The following PTGFR variants were observed in gnomAD, a reference collection of about 807,000 sequenced individuals.
The protein encoded by PTGFR is prostaglandin F2-alpha receptor.
Under a neutral mutation model 26.2 loss-of-function variants are expected in PTGFR, and 15 were observed. The ratio of observed to expected loss-of-function variants is 0.57; its 90% CI spans 0.38 to 0.88. PTGFR has a LOEUF of 0.88. Ranked by LOEUF, PTGFR falls within the 40% of genes least tolerant of loss-of-function variation. PTGFR has a pLI of 0.00. For missense variants in PTGFR, 369 were observed against 427.2 expected (o/e 0.86, Z 1.20); for synonymous variants, 165 against 151.1 (o/e 1.09, Z -0.68).
chr1:78,517,775 T>C (rs933481128), intron 2 of PTGFR, among the ~76,000 whole-genome samples: 3 of 152,130 alleles, frequency 2.0e-5, no homozygotes, highest in Non-Finnish European at 2.9e-5. Flanking sequence ...GAAGGGTTTT[T>C]AACAAGGGAA....
At chr1:78,517,596 A>G (rs1249031763) in intron 2 of PTGFR, among the ~76,000 whole-genome samples, 3 of 152,152 alleles carry the variant, frequency 2.0e-5, no homozygotes, top group African/African-American at 4.8e-5. Flanking sequence ...ACCCAATAGC[A>G]GGGATGAGCT....
intron 2 of PTGFR, among the ~76,000 whole-genome samples, chr1:78,503,192 A>G (rs571669300): frequency 6.6e-6 from 1 of 152,082 alleles, no homozygotes; most frequent in South Asian, 2.1e-4. Context: ...AGTTAATATT[A>G]AATTAAAATT....
chr1:78,496,201 A>G (rs1649548603), intron 2 of PTGFR, among the ~76,000 whole-genome samples: 1 of 152,220 alleles, frequency 6.6e-6, no homozygotes, highest in South Asian at 2.1e-4. Flanking sequence ...AACCTTATAA[A>G]AATACAGGCT....
Position 78,536,752 on chromosome 1 carries a change from G to T in PTGFR, c.*65G>T, listed in dbSNP as rs956101327. 4.7e-6 allele frequency: 7 copies of T among 1,504,386 alleles called. No homozygotes were observed. Among genetic ancestry groups the T allele is most frequent in the Non-Finnish European group, 6.2e-6 (7 of 1,121,928 alleles). The allele number at this position is 1,504,386 out of a possible 1,614,324, so 93.2% of individuals were successfully genotyped here. ...TTAAGACATGTTTGGCAATATTTCAGTTAGTTAAATACCTGTAGCCTAACT... is the reference window on the plus strand; with the variant it reads ...TTAAGACATGTTTGGCAATATTTCATTTAGTTAAATACCTGTAGCCTAACT... On this transcript the variant is annotated 3_prime_UTR_variant, in exon 3 of 3. Transcript: ENST00000370757.
chr1:78,509,626 T>G (rs1019056679), intron 2 of PTGFR, among the ~76,000 whole-genome samples: 5 of 152,230 alleles, frequency 3.3e-5, no homozygotes, highest in African/African-American at 4.8e-5. Context: ...TAATGGTGGC[T>G]TTTTTGTTAC....
At position 78,539,825 on chromosome 1, in the gene PTGFR, A is replaced by C. The variant is rs1199857819; in HGVS notation, c.*3138A>C. On this transcript the variant is annotated 3_prime_UTR_variant, in exon 3 of 3. Transcript: ENST00000370757. ...AACCTAAACTCCCGTTTTATCTGCT[A>C]CTGGATGAGAAGAATTTCAACTTAA... 6.6e-6 allele frequency: 1 copy of C among 152,332 alleles called. No individual in the cohort carries two copies. The highest frequency in any genetic ancestry group is 1.9e-4 in the East Asian group (1 of 5,186). The allele number at this position is 152,332 out of a possible 1,614,324, so 9.4% of individuals were successfully genotyped here. A position where few individuals can be genotyped will look rare whatever the true frequency, so the allele number is the denominator to read the frequency against.
intron 2 of PTGFR, among the ~76,000 whole-genome samples, chr1:78,531,115 G>A (rs975739158): frequency 2.0e-5 from 3 of 152,130 alleles, no homozygotes; most frequent in African/African-American, 7.2e-5. Flanking sequence ...GTGGCTGGAG[G>A]TTTGAGATAC....
At chr1:78,505,205 C>A (rs944989401) in intron 2 of PTGFR, among the ~76,000 whole-genome samples, 5 of 150,876 alleles carry the variant, frequency 3.3e-5, no homozygotes, top group African/African-American at 1.2e-4. Flanking sequence ...TCACTGCAAC[C>A]TCCACTTCCC....
At chr1:78,493,946 T>C (rs1478721367) in intron 2 of PTGFR, among the ~76,000 whole-genome samples, 1 of 152,260 alleles carries the variant, frequency 6.6e-6, no homozygotes, top group Non-Finnish European at 1.5e-5. Flanking sequence ...TATTAGCTAC[T>C]GGGTTCTCCA....
In PTGFR at chr1:78,538,904, G is replaced by A. The variant is rs1019426555; in HGVS notation, c.*2217G>A. ...TTGAACTGGGTAAGGCATTATCCAAGCAACTTCACATACTATTTAAACATG... is the reference window on the plus strand; with the variant it reads ...TTGAACTGGGTAAGGCATTATCCAAACAACTTCACATACTATTTAAACATG... On this transcript the variant is annotated 3_prime_UTR_variant, in exon 3 of 3. Transcript: ENST00000370757. The A allele has an allele frequency of 1.3e-5, 2 of 151,838 alleles. No individual in the cohort carries two copies. The highest frequency in any genetic ancestry group is 2.4e-5 in the African/African-American group (1 of 41,346). 9.4% of individuals were successfully genotyped at this position (151,838 alleles called of 1,614,324 possible). A position where few individuals can be genotyped will look rare whatever the true frequency, so the allele number is the denominator to read the frequency against.
chr1:78,515,046 A>ATT (rs540597508), intron 2 of PTGFR, among the ~76,000 whole-genome samples: 2 of 149,626 alleles, frequency 1.3e-5, no homozygotes, highest in African/African-American at 4.9e-5. Flanking sequence ...AGTTTCAGGT[A>ATT]TTTTTTTTTT....
chr1:78,495,178 C>A (rs1649516259), intron 2 of PTGFR, among the ~76,000 whole-genome samples: 3 of 152,194 alleles, frequency 2.0e-5, no homozygotes, highest in Admixed American at 2.0e-4. Flanking sequence ...CTATCAATGG[C>A]AAGTCAACCT....
chr1:78,498,616 G>T (rs1294611165), intron 2 of PTGFR, among the ~76,000 whole-genome samples: 1 of 152,106 alleles, frequency 6.6e-6, no homozygotes, highest in African/African-American at 2.4e-5. Flanking sequence ...TTCACTGCTT[G>T]GGTGATATTA....
At chr1:78,507,751 A>C (rs1649861698) in intron 2 of PTGFR, among the ~76,000 whole-genome samples, 1 of 152,092 alleles carries the variant, frequency 6.6e-6, no homozygotes, top group African/African-American at 2.4e-5. Context: ...CTCCATTCTA[A>C]TGTTTGGTAT....
intron 2 of PTGFR, among the ~76,000 whole-genome samples, chr1:78,525,003 C>T (rs1206876827): frequency 6.9e-6 from 1 of 144,242 alleles, no homozygotes; most frequent in Non-Finnish European, 1.5e-5. Flanking sequence ...CATAAATCCT[C>T]CAACTGCTTC....
chr1:78,513,337 A>G (rs1013659963), intron 2 of PTGFR, among the ~76,000 whole-genome samples: 5 of 152,178 alleles, frequency 3.3e-5, no homozygotes, highest in African/African-American at 1.2e-4. Flanking sequence ...GGAAATGAGG[A>G]AGTTAATGGG....
intron 2 of PTGFR, among the ~76,000 whole-genome samples, chr1:78,523,883 T>G (rs1279522141): frequency 6.6e-5 from 10 of 152,094 alleles, no homozygotes; most frequent in Non-Finnish European, 1.5e-5. Flanking sequence ...AGTTTAAATG[T>G]TGAATGATAC....
chr1:78,508,802 T>C (rs1006021858), intron 2 of PTGFR, among the ~76,000 whole-genome samples: 1 of 152,218 alleles, frequency 6.6e-6, no homozygotes. Flanking sequence ...GTATAAATTA[T>C]AACGGCAAGC....
chr1:78,492,885 A>G lies in PTGFR; in HGVS notation c.142A>G (p.Ile48Val). 1 of 1,614,240 alleles carries G rather than the reference A, an allele frequency of 6.2e-7. No homozygotes were observed. The change falls in exon 2 of 3, where the codon ATC becomes GTC. Residue 48 changes from isoleucine to valine, a missense_variant. By Grantham distance (29) the Ile-to-Val change is conservative. Transcript: ENST00000370757. ...GGGAATCTTGTCAAACAGCCTTGCC[A>G]TCGCCATTCTCATGAAGGCATATCA... ...TVGILSNSLA[I>V]AILMKAYQRF...
Sources: allele counts gnomAD v4.1 joint callset (sites outside exome capture counted in the v4.1 genomes callset), GRCh38; gene constraint gnomAD v4.1.1; transcripts MANE v1.5; gene names NCBI Gene and HGNC (gene_info 2026-07-23, HGNC 2026-07-21).